The following STARD9 variants were observed in gnomAD, a reference collection of about 807,000 sequenced individuals.
The protein encoded by STARD9 is stAR-related lipid transfer protein 9.
STARD9 carries 346 observed loss-of-function variants against 399.8 expected under a neutral mutation model. The observed-to-expected ratio is 0.87, with a 90% CI of 0.79 to 0.95. The LOEUF (loss-of-function observed/expected upper bound fraction) is 0.95, where lower values mean the gene tolerates loss of function less well. Among genes scored for constraint, STARD9 ranks in the 40% least tolerant of loss-of-function variants. The pLI, the probability that STARD9 is intolerant of heterozygous loss-of-function variation, is 0.00. For synonymous variants in STARD9, 2,203 were observed against 2,143.5 expected (o/e 1.03, Z -0.77); for missense variants, 5,832 against 5,667.5 (o/e 1.03, Z -0.93).
intron 3 of STARD9, among the ~76,000 whole-genome samples, chr15:42,622,760 C>T (rs2059116920): frequency 6.6e-6 from 1 of 152,104 alleles, no homozygotes; most frequent in Admixed American, 6.5e-5. Context: ...AGTCATGTGA[C>T]ATGGTTGTTC....
chr15:42,597,998 A>ATGTGTGTGTGTGTGTGTG (rs770352086), intron 3 of STARD9, among the ~76,000 whole-genome samples: 21 of 112,694 alleles, frequency 1.9e-4, no homozygotes, highest in Non-Finnish European at 3.0e-4. Flanking sequence ...TTGTATATAT[A>ATGTGTGTGTGTGTGTGTG]TATGTGTGTG....
chr15:42,581,599 C>T (rs927359962), intron 1 of STARD9: 13 of 739,574 alleles, frequency 1.8e-5, no homozygotes, highest in Non-Finnish European at 2.7e-5. Flanking sequence ...ACTCCTCGCT[C>T]GCTTCCTCTA....
In STARD9 at chr15:42,662,890, A is replaced by G. The variant is rs879099294; in HGVS notation, c.867A>G (p.Leu289=). The change falls in exon 11 of 33, where the codon TTA becomes TTG. Residue 289 remains leucine, a splice_region_variant and synonymous_variant. Coordinates refer to ENST00000290607, the MANE Select transcript of STARD9 (RefSeq NM_020759.3). ...LVTLGIVIST[L]AQNSQVFSSC... is the part of the protein sequence containing the mutation. ...CTCTAGGAATTGTCATCTCCACCTTAGGTATTTTCTGATAGATAATGGGAG... is the reference window on the plus strand; with the variant it reads ...CTCTAGGAATTGTCATCTCCACCTTGGGTATTTTCTGATAGATAATGGGAG... 3 of 1,532,134 alleles carry G rather than the reference A, an allele frequency of 2.0e-6. No individual in the cohort carries two copies. In the Admixed American group the frequency reaches 5.9e-5, roughly 30 times the overall value. The allele number at this position is 1,532,134 out of a possible 1,614,324, so 94.9% of individuals were successfully genotyped here. A position where few individuals can be genotyped will look rare whatever the true frequency, so the allele number is the denominator to read the frequency against.
intron 26 of STARD9, among the ~76,000 whole-genome samples, chr15:42,704,795 G>A (rs1021041919): frequency 6.6e-6 from 1 of 152,196 alleles, no homozygotes; most frequent in Non-Finnish European, 1.5e-5. Context: ...CCCTAAAGTA[G>A]ATGGTGTCTT....
At chr15:42,714,906 A>T (rs1464972234) in intron 26 of STARD9, among the ~76,000 whole-genome samples, 3 of 151,394 alleles carry the variant, frequency 2.0e-5, no homozygotes, top group African/African-American at 7.3e-5. Context: ...TGATTAATTT[A>T]TGGATATTTA....
chr15:42,693,825 C>T lies in STARD9; in HGVS notation c.12247C>T (p.Gln4083Ter), dbSNP rs780496812. ...LDRPSSWGGL[Q>*]HLSPCPVSEL... Reference sequence around the variant, plus strand: ...CCGACCTTCTTCATGGGGAGGCCTCCAGCACCTCAGCCCCTGCCCTGTCTC... The same window carrying T: ...CCGACCTTCTTCATGGGGAGGCCTCTAGCACCTCAGCCCCTGCCCTGTCTC... The change falls in exon 23 of 33, where the codon CAG becomes TAG. Residue 4083 changes from glutamine to a stop codon, truncating the protein, a stop_gained. Coordinates refer to ENST00000290607, the MANE Select transcript of STARD9 (RefSeq NM_020759.3). LOFTEE classifies it high-confidence loss of function. The T allele has an allele frequency of 1.3e-6, 2 of 1,536,480 alleles. No homozygotes were observed. Among genetic ancestry groups the T allele is most frequent in the South Asian group, 1.2e-5 (1 of 83,998 alleles).
rs764748621 is a variant in STARD9 at position 42,688,054 on chromosome 15, G to A, written c.6476G>A (p.Arg2159Gln). The A allele has an allele frequency of 1.6e-5, 24 of 1,537,488 alleles. No individual in the cohort carries two copies. Among genetic ancestry groups the A allele is most frequent in the East Asian group, 1.5e-4 (6 of 40,924 alleles). ...PNPFRSREGV[R>Q]ESEPVREHTH... The stretch of plus-strand genomic sequence containing the variant: ...CCCTTCAGGTCAAGGGAAGGTGTAC[G>A]AGAGAGTGAACCTGTGAGAGAGCAC... Residue 2159 changes from arginine (R) to glutamine (Q), a missense_variant, in exon 23 of 33, where the codon CGA (arginine) becomes CAA (glutamine). By Grantham distance (43) the Arg-to-Gln change is conservative. Transcript: ENST00000290607.
chr15:42,693,738 A>G lies in STARD9; in HGVS notation c.12160A>G (p.Ser4054Gly). 1 of 1,536,808 alleles carries G rather than the reference A, an allele frequency of 6.5e-7. No homozygotes were observed. Among genetic ancestry groups the G allele is most frequent in the Non-Finnish European group, 8.7e-7 (1 of 1,146,874 alleles). Residue 4054 changes from serine to glycine, a missense_variant, in exon 23 of 33, where the codon AGC becomes GGC. Physicochemically the swap from Ser to Gly is moderately conservative, Grantham distance 56 (BLOSUM62 0). This residue lies in a region of STARD9 where 5,828 missense variants were observed against 5,651.1 expected (regional missense o/e 1.03). Transcript: ENST00000290607. Reference sequence around the variant, plus strand: ...CGGTAGGGAGCCAAGTCAGTGGCAGAGCAGGACAGAAAATGGAGGTGAGAG... The same window carrying G: ...CGGTAGGGAGCCAAGTCAGTGGCAGGGCAGGACAGAAAATGGAGGTGAGAG... ...LSGREPSQWQ[S>G]RTENGGESSA... is the part of the protein sequence containing the mutation.
chr15:42,612,707 G>T (rs1399576256), intron 3 of STARD9, among the ~76,000 whole-genome samples: 1 of 152,130 alleles, frequency 6.6e-6, no homozygotes, highest in Non-Finnish European at 1.5e-5. Flanking sequence ...AAATCCAGCA[G>T]GTTGCAGTGG....
intron 7 of STARD9, among the ~76,000 whole-genome samples, chr15:42,644,007 A>G (rs2059596438): frequency 6.6e-6 from 1 of 152,212 alleles, no homozygotes; most frequent in African/African-American, 2.4e-5. Context: ...CATGCTCCAC[A>G]TAATTTCACC....
intron 9 of STARD9, among the ~76,000 whole-genome samples, chr15:42,657,462 G>A (rs1287192954): frequency 6.6e-6 from 1 of 151,702 alleles, no homozygotes; most frequent in Non-Finnish European, 1.5e-5. Flanking sequence ...ATTTATAAAT[G>A]TATGCACCCT....
At chr15:42,618,333 A>G (rs374353102) in intron 3 of STARD9, among the ~76,000 whole-genome samples, 169 of 151,564 alleles carry the variant, frequency 1.1e-3, no homozygotes, top group African/African-American at 3.8e-3. Context: ...GGGTCTCCCT[A>G]TGTTGCCCAG....
intron 24 of STARD9, 60 bp from the exon 25 acceptor site, chr15:42,695,080 T>G: frequency 7.4e-7 from 1 of 1,359,178 alleles, no homozygotes; most frequent in South Asian, 1.5e-5. Flanking sequence ...TAGCCTTGGA[T>G]GGACAGACCA....
At chr15:42,586,884 T>G (rs913193933) in intron 3 of STARD9, among the ~76,000 whole-genome samples, 1 of 151,988 alleles carries the variant, frequency 6.6e-6, no homozygotes, top group African/African-American at 2.4e-5. Context: ...GGAGATGATC[T>G]TGTTCTGTTG....
chr15:42,609,953 C>T (rs1595628364), intron 3 of STARD9, among the ~76,000 whole-genome samples: 1 of 151,996 alleles, frequency 6.6e-6, no homozygotes, highest in Non-Finnish European at 1.5e-5. Flanking sequence ...ATTAGCTGAG[C>T]ATGGTGGTGG....
In STARD9 at chr15:42,655,450, G is replaced by T. The variant is rs2059847606; in HGVS notation, c.702+2858G>T. Among the ~76,000 whole-genome samples, 3 of 152,298 alleles carry T rather than the reference G, an allele frequency of 2.0e-5. No homozygotes were observed. In the South Asian group the frequency reaches 6.2e-4, roughly 32 times the overall value. On this transcript the variant is annotated intron_variant, in intron 9 of 32. Coordinates refer to ENST00000290607, the MANE Select transcript of STARD9 (RefSeq NM_020759.3). ...TAAAGCCAAATACTTGCAGTCAACC[G>T]ATCTTTGACAAAGCAAACAAAAACG...
chr15:42,661,659 G>GGAGACAACA (rs2059996126), intron 10 of STARD9, among the ~76,000 whole-genome samples: 1 of 151,700 alleles, frequency 6.6e-6, no homozygotes, highest in South Asian at 2.1e-4. Context: ...ATCTCATTAT[G>GGAGACAACA]TTGCCCTGGC....
At chr15:42,681,739 C>A (rs2060432719) in intron 21 of STARD9, 127 bp downstream of exon 21, 2 of 890,448 alleles carry the variant, frequency 2.2e-6, no homozygotes, top group Non-Finnish European at 3.3e-6. Context: ...ATTAGGTGTT[C>A]TCTTTTCTTT....
chr15:42,629,460 TG>T (rs2059287248), intron 3 of STARD9, among the ~76,000 whole-genome samples: 1 of 152,248 alleles, frequency 6.6e-6, no homozygotes, highest in African/African-American at 2.4e-5. Flanking sequence ...TACTGATTTT[TG>T]TATGTTGATT....
Sources: allele counts gnomAD v4.1 joint callset (sites outside exome capture counted in the v4.1 genomes callset), GRCh38; gene constraint gnomAD v4.1.1; regional missense constraint gnomAD v4.1.1; transcripts MANE v1.5; gene names NCBI Gene and HGNC (gene_info 2026-07-23, HGNC 2026-07-21).